The following SHE variants were observed in gnomAD, a reference collection of about 807,000 sequenced individuals.
The protein encoded by SHE is SH2 domain-containing adapter protein E.
A neutral mutation model predicts 49.8 loss-of-function variants in SHE; 11 were observed. That is an observed-to-expected ratio of 0.22 (90% CI 0.14 to 0.37). The LOEUF (loss-of-function observed/expected upper bound fraction) is 0.37. Among genes scored for constraint, SHE ranks in the 10% least tolerant of loss-of-function variants. The pLI, the probability that SHE is intolerant of heterozygous loss-of-function variation, is 1.00. For missense variants in SHE, 624 were observed against 655.5 expected (o/e 0.95, Z 0.52); for synonymous variants, 310 against 278.1 (o/e 1.11, Z -1.14).
chr1:154,473,424 G>A (rs967428784), intron 1 of SHE, among the ~76,000 whole-genome samples: 4 of 151,940 alleles, frequency 2.6e-5, no homozygotes, highest in Non-Finnish European at 5.9e-5. Context: ...GCAGTGAGCC[G>A]TGATAGTACC....
chr1:154,470,681 A>C (rs936070381), intron 1 of SHE, among the ~76,000 whole-genome samples: 3 of 152,078 alleles, frequency 2.0e-5, no homozygotes, highest in Non-Finnish European at 4.4e-5. Context: ...CTCTACTAAA[A>C]ATACAAAAAT....
rs1225541077 is a variant in SHE at position 154,480,912 on chromosome 1, T to C, written c.*3237A>G. ...AACTTGTCCAGTCATCGCAAGCAAGTATTTTTTTTAAAGAAGGTGTGATCA... is the reference window on the plus strand; with the variant it reads ...AACTTGTCCAGTCATCGCAAGCAAGCATTTTTTTTAAAGAAGGTGTGATCA... On this transcript the variant is annotated 3_prime_UTR_variant, in exon 6 of 6. Transcript: ENST00000304760. 7 of 985,120 alleles carry C rather than the reference T, an allele frequency of 7.1e-6. No individual in the cohort carries two copies. In the East Asian group the frequency reaches 6.8e-4, roughly 96 times the overall value. 61.0% of individuals were successfully genotyped at this position (985,120 alleles called of 1,614,324 possible).
At chr1:154,498,938 G>A (rs963142425) in intron 2 of SHE, among the ~76,000 whole-genome samples, 174 bp downstream of exon 2, 1 of 152,036 alleles carries the variant, frequency 6.6e-6, no homozygotes, top group Admixed American at 6.5e-5. Context: ...AAATCATACA[G>A]GAAGTTACCT....
In SHE at chr1:154,480,672, A is replaced by G. The variant is rs1691994960; in HGVS notation, c.*3477T>C. 2.0e-6 allele frequency: 2 copies of G among 985,360 alleles called. No individual in the cohort carries two copies. Among genetic ancestry groups the G allele is most frequent in the Admixed American group, 6.1e-5 (1 of 16,272 alleles). 61.0% of individuals were successfully genotyped at this position (985,360 alleles called of 1,614,324 possible). ...TAAAATGCTTAAGAAAGTGCTTTGA[A>G]TAACTTAAAATGACACTTCTGCCCC... On this transcript the variant is annotated 3_prime_UTR_variant, in exon 6 of 6. Coordinates refer to ENST00000304760, the MANE Select transcript of SHE (RefSeq NM_001010846.3).
At chr1:154,491,977 A>T (rs539022184) in intron 2 of SHE, among the ~76,000 whole-genome samples, 2 of 152,278 alleles carry the variant, frequency 1.3e-5, no homozygotes, top group East Asian at 3.9e-4. Context: ...CCGCAGACAC[A>T]AAGGGTGGAA....
chr1:154,481,905 A>G lies in SHE; in HGVS notation c.*2244T>C, dbSNP rs1000887671. On this transcript the variant is annotated 3_prime_UTR_variant, in exon 6 of 6. Coordinates refer to ENST00000304760, the MANE Select transcript of SHE (RefSeq NM_001010846.3). Reference sequence around the variant, plus strand: ...CACTCTGTCACTCAGGCTGGAGTGCAATGGTGCGATCATGGCTCGCTGCAG... The same window carrying G: ...CACTCTGTCACTCAGGCTGGAGTGCGATGGTGCGATCATGGCTCGCTGCAG... 3 of 621,020 alleles carry G rather than the reference A, an allele frequency of 4.8e-6. No individual in the cohort carries two copies. Among genetic ancestry groups the G allele is most frequent in the Non-Finnish European group, 6.0e-6 (3 of 497,434 alleles). 38.5% of individuals were successfully genotyped at this position (621,020 alleles called of 1,614,324 possible). A position where few individuals can be genotyped will look rare whatever the true frequency, so the allele number is the denominator to read the frequency against.
At chr1:154,477,863 C>T (rs1343411457), downstream of SHE, among the ~76,000 whole-genome samples, 1 of 145,540 alleles carries the variant, frequency 6.9e-6, no homozygotes, top group Non-Finnish European at 1.5e-5. Context: ...TGCACTCCAG[C>T]CTGGGCGACA....
rs187936733 is a variant in SHE at position 154,489,042 on chromosome 1, C to T, written c.1024+9G>A. Reference sequence around the variant, plus strand: ...TCACACTGGGGCGGGCCTGGCCTGGCGCCCTCACCTGACAGAGCCCGCACG... The same window carrying T: ...TCACACTGGGGCGGGCCTGGCCTGGTGCCCTCACCTGACAGAGCCCGCACG... On this transcript the variant is annotated intron_variant, in intron 3 of 5. Transcript: ENST00000304760. 2.4e-4 allele frequency: 373 copies of T among 1,544,854 alleles called. 2 individuals are homozygous for T. The East Asian group carries it at 7.1e-3, about 30-fold the overall frequency.
At chr1:154,493,699 T>A (rs748240997) in intron 2 of SHE, among the ~76,000 whole-genome samples, 1 of 152,138 alleles carries the variant, frequency 6.6e-6, no homozygotes, top group Non-Finnish European at 1.5e-5. Context: ...AACAAGAAAG[T>A]CTTAGCAGAA....
rs1334729074 is a variant in SHE, at chr1:154,501,889, G to A, written c.138C>T (p.Pro46=). The stretch of plus-strand genomic sequence containing the variant: ...GCTCCGACACGGTCTTCAGGTTCAG[G>A]GGGAACTCCTTGAACCACTTGGCCG... ...LMAAKWFKEF[P]LNLKTVSERA... is the part of the protein sequence containing the mutation. The change falls in exon 1 of 6, where the codon CCC becomes CCT. Residue 46 remains proline (P), a synonymous_variant. Transcript: ENST00000304760. The A allele has an allele frequency of 8.5e-6, 13 of 1,528,764 alleles. No homozygotes were observed. The highest frequency in any genetic ancestry group is 1.1e-5 in the Non-Finnish European group (13 of 1,145,184). The allele number at this position is 1,528,764 out of a possible 1,614,324, so 94.7% of individuals were successfully genotyped here.
rs527770503 is a variant in SHE at position 154,482,759 on chromosome 1, A to C, written c.*1390T>G. 2.3e-4 allele frequency: 226 copies of C among 985,108 alleles called. No individual in the cohort carries two copies. Among genetic ancestry groups the C allele is most frequent in the South Asian group, 5.6e-4 (12 of 21,288 alleles). The allele number at this position is 985,108 out of a possible 1,614,324, so 61.0% of individuals were successfully genotyped here. ...AATCATAAAGATCCTAATACTATGAATCTTAAGTAATGGTATTTAAGAGAA... is the reference window on the plus strand; with the variant it reads ...AATCATAAAGATCCTAATACTATGACTCTTAAGTAATGGTATTTAAGAGAA... On this transcript the variant is annotated 3_prime_UTR_variant, in exon 6 of 6. Transcript: ENST00000304760.
intron 1 of SHE, among the ~76,000 whole-genome samples, chr1:154,500,851 C>T (rs570612045): frequency 6.6e-6 from 1 of 152,350 alleles, no homozygotes; most frequent in South Asian, 2.1e-4. Context: ...CTCCTTTCCT[C>T]ATATGGCTGC....
chr1:154,492,030 C>T (rs1692383794), intron 2 of SHE, among the ~76,000 whole-genome samples: 1 of 151,946 alleles, frequency 6.6e-6, no homozygotes, highest in South Asian at 2.1e-4. Context: ...GGGGATGGTC[C>T]GTGGAGAAAT....
chr1:154,501,551 CTCTTCCCGT>C lies in SHE; in HGVS notation c.467_475del (p.Asn156_Lys158del), dbSNP rs774587745. 2 of 1,614,094 alleles carry C rather than the reference CTCTTCCCGT, an allele frequency of 1.2e-6. No homozygotes were observed. The highest frequency in any genetic ancestry group is 3.3e-5 in the Admixed American group (2 of 60,008). On this transcript the variant is annotated inframe_deletion, in exon 1 of 6. Transcript: ENST00000304760. ...GGAGCTACTGCTGCTGGGGTAGTTG[CTCTTCCCGT>C]TCTTCTCCTGAGTGTCCACCTTGAT...
Position 154,486,595 on chromosome 1 carries a change from C to T in SHE, c.1113G>A (p.Leu371=). ...CACTGTGGTCCGAGAGGGCTGGCTTCAGGATCTTCTGGGTCCAGCTCTTCT... is the reference window on the plus strand; with the variant it reads ...CACTGTGGTCCGAGAGGGCTGGCTTTAGGATCTTCTGGGTCCAGCTCTTCT... ...HRQKSWTQKI[L]KPALSDHSEG... is the part of the protein sequence containing the mutation. The change falls in exon 4 of 6, where the codon CTG becomes CTA. Residue 371 remains leucine (L), a synonymous_variant. Coordinates refer to ENST00000304760, the MANE Select transcript of SHE (RefSeq NM_001010846.3). The T allele has an allele frequency of 6.2e-7, 1 of 1,614,202 alleles. No homozygotes were observed. Among genetic ancestry groups the T allele is most frequent in the South Asian group, 1.1e-5 (1 of 91,090 alleles).
At chr1:154,498,988 T>C (rs1055770206) in intron 2 of SHE, 124 bp downstream of exon 2, 1 of 1,288,624 alleles carries the variant, frequency 7.8e-7, no homozygotes, top group African/African-American at 1.5e-5. Flanking sequence ...TTTCTGTTTC[T>C]TCAAGTCAGC....
chr1:154,475,087 G>A (rs1281885265), downstream of SHE, among the ~76,000 whole-genome samples: 2 of 152,192 alleles, frequency 1.3e-5, no homozygotes, highest in Non-Finnish European at 1.5e-5. Context: ...GAGGGTCTGG[G>A]GAGTGGGAGG....
At chr1:154,486,831 G>T in intron 3 of SHE, 148 bp from the exon 4 acceptor site, 1 of 791,348 alleles carries the variant, frequency 1.3e-6, no homozygotes, top group Non-Finnish European at 1.9e-6. Flanking sequence ...AAATACCCTG[G>T]CTAGCTGAGC....
At chr1:154,472,125 T>G (rs1319095468) in intron 1 of SHE, among the ~76,000 whole-genome samples, 1 of 30,800 alleles carries the variant, frequency 3.2e-5, no homozygotes, top group South Asian at 7.7e-3. Flanking sequence ...ATGAGCACTC[T>G]GTCTCAAAAA....
Sources: allele counts gnomAD v4.1 joint callset (sites outside exome capture counted in the v4.1 genomes callset), GRCh38; gene constraint gnomAD v4.1.1; transcripts MANE v1.5; gene names NCBI Gene and HGNC (gene_info 2026-07-23, HGNC 2026-07-21).